The following ZBTB38 variants were observed in gnomAD, a reference collection of about 807,000 sequenced individuals.
ZBTB38 encodes zinc finger and BTB domain containing 38, also known as zinc finger and BTB domain-containing protein 38.
A neutral mutation model predicts 76.8 loss-of-function variants in ZBTB38; 20 were observed. The ratio of observed to expected loss-of-function variants is 0.26; its 90% CI spans 0.18 to 0.38. ZBTB38 has a LOEUF of 0.38. Ranked by LOEUF, ZBTB38 falls within the 10% of genes least tolerant of loss-of-function variation. ZBTB38 has a pLI of 1.00. For missense variants in ZBTB38, 1,082 were observed against 1,482.3 expected, an observed-to-expected ratio of 0.73 and a Z score of 4.43; for synonymous variants, 504 against 544.2, an observed-to-expected ratio of 0.93 and a Z score of 1.03.
At chr3:141,379,384 G>T (rs919735783) in intron 2 of ZBTB38, among the ~76,000 whole-genome samples, 6 of 152,146 alleles carry the variant, frequency 3.9e-5, no homozygotes, top group African/African-American at 1.4e-4. Flanking sequence ...CTGAGCATAT[G>T]GGCTGAAGTC....
At chr3:141,398,266 A>G (rs1950819859) in intron 4 of ZBTB38, among the ~76,000 whole-genome samples, 1 of 152,166 alleles carries the variant, frequency 6.6e-6, no homozygotes, top group East Asian at 1.9e-4. Context: ...CACTTCTAAC[A>G]ATGTTTTTAG....
At chr3:141,409,252 G>T (rs1311425163) in intron 5 of ZBTB38, among the ~76,000 whole-genome samples, 1 of 152,066 alleles carries the variant, frequency 6.6e-6, no homozygotes, top group Non-Finnish European at 1.5e-5. Flanking sequence ...CACCACGTTG[G>T]CCAGGCTGGT....
At chr3:141,355,009 A>G (rs1324223933) in intron 1 of ZBTB38, among the ~76,000 whole-genome samples, 2 of 152,018 alleles carry the variant, frequency 1.3e-5, no homozygotes, top group Non-Finnish European at 2.9e-5. Context: ...TCATGTTTCC[A>G]CTAAATTAAT....
In ZBTB38 at chr3:141,368,626, C is replaced by A. The variant is rs186453548; in HGVS notation, c.-488C>A. 1 of 152,192 alleles carries A rather than the reference C, an allele frequency of 6.6e-6. No homozygotes were observed. The highest frequency in any genetic ancestry group is 1.9e-4 in the East Asian group (1 of 5,182). 9.4% of individuals were successfully genotyped at this position (152,192 alleles called of 1,614,324 possible). Reference sequence around the variant, plus strand: ...CTTTTCTTCTTTTTTTTAAGCCTCACGAAAGATTTTACTTGTAGATCAACT... The same window carrying A: ...CTTTTCTTCTTTTTTTTAAGCCTCAAGAAAGATTTTACTTGTAGATCAACT... On this transcript the variant is annotated 5_prime_UTR_variant, in exon 1 of 6. Transcript: ENST00000321464.
chr3:141,428,974 T>C (rs975193492), intron 5 of ZBTB38, among the ~76,000 whole-genome samples: 1 of 152,244 alleles, frequency 6.6e-6, no homozygotes, highest in Non-Finnish European at 1.5e-5. Flanking sequence ...TATAAACATA[T>C]ATCTTTTTAT....
chr3:141,331,665 T>C (rs1014222658), intron 1 of ZBTB38, among the ~76,000 whole-genome samples: 1 of 152,244 alleles, frequency 6.6e-6, no homozygotes, highest in Non-Finnish European at 1.5e-5. Flanking sequence ...TTCTTCTCTG[T>C]ATTCCTTAGG....
intron 5 of ZBTB38, among the ~76,000 whole-genome samples, chr3:141,422,477 T>G (rs2075611855): frequency 6.6e-6 from 1 of 152,254 alleles, no homozygotes; most frequent in Non-Finnish European, 1.5e-5. Context: ...GCTGAAATTC[T>G]TTGGCCTTCT....
intron 4 of ZBTB38, chr3:141,389,240 G>A (rs1357532682): frequency 1.3e-5 from 2 of 152,194 alleles, no homozygotes; most frequent in Non-Finnish European, 2.9e-5. Flanking sequence ...TATTCTAGCA[G>A]TTTAACTAAT....
rs773205568 is a variant in ZBTB38, at chr3:141,340,990, G to GAAAGAA, written c.-739+16535_-739+16536insAAGAAA. Among the ~76,000 whole-genome samples the GAAAGAA allele has an allele frequency of 1.5e-4, 18 of 122,112 alleles. No individual in the cohort carries two copies. The South Asian group carries it at 2.0e-3, about 14-fold the overall frequency. The allele number at this position is 122,112 out of a possible 152,430, so 80.1% of individuals were successfully genotyped here. A position where few individuals can be genotyped will look rare whatever the true frequency, so the allele number is the denominator to read the frequency against. Reference sequence around the variant, plus strand: ...AGAAAGAAAGAAAGAAAGAAAGAAAGAGAAAGAAGAAAGAAAGAAAGAAAG... The same window carrying GAAAGAA: ...AGAAAGAAAGAAAGAAAGAAAGAAAGAAAGAAAGAAAGAAGAAAGAAAGAAAGAAAG... On this transcript the variant is annotated intron_variant, in intron 1 of 7. Transcript: ENST00000509842.
At chr3:141,352,269 G>C (rs1943538817) in intron 1 of ZBTB38, among the ~76,000 whole-genome samples, 1 of 152,148 alleles carries the variant, frequency 6.6e-6, no homozygotes, top group South Asian at 2.1e-4. Context: ...GAGAGAGGGA[G>C]ACGTGTGGCT....
rs751823083 is a variant in ZBTB38, at chr3:141,444,487, G to A, written c.2099G>A (p.Ser700Asn). The A allele has an allele frequency of 3.1e-6, 5 of 1,614,040 alleles. No homozygotes were observed. The East Asian group carries it at 8.9e-5, about 29-fold the overall frequency. The change falls in exon 6 of 6, where the codon AGT (serine) becomes AAT (asparagine). Residue 700 changes from serine (S) to asparagine (N), a missense_variant. Ser to Asn is a conservative substitution (Grantham distance 46). Transcript: ENST00000321464. The surrounding 1 kb of genome is among the most constrained non-coding windows in gnomAD (Gnocchi z 5.1). The part of the protein sequence containing the change: ...DVPVLSLSNS[S>N]ENAASVISYS... ...CCTGTTTTATCTTTGAGTAATAGCAGTGAGAATGCCGCCTCTGTGATCAGC... is the reference window on the plus strand; with the variant it reads ...CCTGTTTTATCTTTGAGTAATAGCAATGAGAATGCCGCCTCTGTGATCAGC...
At chr3:141,378,901 C>A (rs1945799195) in intron 2 of ZBTB38, among the ~76,000 whole-genome samples, 1 of 152,224 alleles carries the variant, frequency 6.6e-6, no homozygotes, top group African/African-American at 2.4e-5. Flanking sequence ...ACAAATCATC[C>A]TTCTCGCCCC....
At chr3:141,349,676 G>A (rs186887376) in intron 1 of ZBTB38, among the ~76,000 whole-genome samples, 1 of 152,270 alleles carries the variant, frequency 6.6e-6, no homozygotes, top group East Asian at 1.9e-4. Flanking sequence ...GTTGAAGTGA[G>A]CTGAGATCAT....
intron 1 of ZBTB38, among the ~76,000 whole-genome samples, chr3:141,350,188 C>T (rs953521294): frequency 1.3e-5 from 2 of 152,120 alleles, no homozygotes; most frequent in Non-Finnish European, 2.9e-5. Flanking sequence ...GTTTACACAT[C>T]GGGGATAAGA....
chr3:141,340,966 G>GAAAGA (rs1943173599), intron 1 of ZBTB38, among the ~76,000 whole-genome samples: 6 of 83,870 alleles, frequency 7.2e-5, no homozygotes, highest in Non-Finnish European at 1.2e-4. Context: ...AAGAAAGAAA[G>GAAAGA]AAAGAAAGAA....
intron 5 of ZBTB38, among the ~76,000 whole-genome samples, chr3:141,425,534 T>C (rs1030431903): frequency 3.3e-5 from 5 of 152,228 alleles, no homozygotes; most frequent in South Asian, 2.1e-4. Flanking sequence ...AATGGCCTTC[T>C]TCTGGCAGGC....
At chr3:141,331,754 GCAGAAGAGGAAAGAT>G (rs544831385) in intron 1 of ZBTB38, among the ~76,000 whole-genome samples, 177 of 152,302 alleles carry the variant, frequency 1.2e-3, no homozygotes, top group African/African-American at 4.1e-3. Flanking sequence ...ATGGGTTTGA[GCAGAAGAGGAAAGAT>G]CTGAGAAGCG....
At chr3:141,392,929 C>A (rs1317627592) in intron 4 of ZBTB38, 1 of 152,238 alleles carries the variant, frequency 6.6e-6, no homozygotes, top group Non-Finnish European at 1.5e-5. Flanking sequence ...CAGCATGCCA[C>A]TGCCTTAGCC....
chr3:141,411,249 TC>T (rs1346941906), intron 5 of ZBTB38, among the ~76,000 whole-genome samples: 2 of 152,328 alleles, frequency 1.3e-5, no homozygotes, highest in Admixed American at 6.5e-5. Context: ...CATGGAGATT[TC>T]CGATTAGTTT....
Sources: gnomAD v4.1 joint callset for allele counts (sites outside exome capture counted in the v4.1 genomes callset) on GRCh38, gnomAD v4.1.1 for gene constraint, Gnocchi (gnomAD v3.1) non-coding constraint, MANE v1.5 for transcripts, NCBI Gene and HGNC (gene_info 2026-07-23, HGNC 2026-07-21) for gene names.